Variants in ABCA7 observed in about 807,000 individuals in gnomAD.
The protein encoded by ABCA7 is ATP binding cassette subfamily A member 7, also known as phospholipid-transporting ATPase ABCA7.
Under a neutral mutation model 227.6 loss-of-function variants are expected in ABCA7, and 261 were observed. The ratio of observed to expected loss-of-function variants is 1.15; its 90% confidence interval spans 1.04 to 1.27. The LOEUF (loss-of-function observed/expected upper bound fraction) is 1.27, where lower values mean the gene tolerates loss of function less well. Among genes scored for constraint, ABCA7 ranks in the 50% most tolerant of loss-of-function variants. The pLI is 0.00. For missense variants in ABCA7, 3,331 were observed against 2,924.5 expected (o/e 1.14, Z -3.21); for synonymous variants, 1,488 against 1,279.7 (o/e 1.16, Z -3.47).
chr19:1,044,299 C>G (rs527486238), intron 10 of ABCA7, among the ~76,000 whole-genome samples: 113 of 133,096 alleles, frequency 8.5e-4, no homozygotes, highest in African/African-American at 3.3e-3. Context: ...CCAGGCTGGA[C>G]TGCAGTGGCG....
At chr19:1,044,959 C>T (rs770896698) in intron 11 of ABCA7, 43 bp from the exon 12 acceptor site, 1 of 1,598,722 alleles carries the variant, frequency 6.3e-7, no homozygotes, top group Non-Finnish European at 8.5e-7. Context: ...GTCTAGGAGG[C>T]AGGCGGACCC....
At position 1,054,929 on chromosome 19, in the gene ABCA7, C is replaced by A; in HGVS notation, c.3950+51C>A. The A allele has an allele frequency of 6.4e-7, 1 of 1,552,514 alleles. No individual in the cohort carries two copies. ...TTTCCCCTCTCTGGCCTCAGTTTTC[C>A]CATCTGGTCCCTGGCCAGGGAGCCT... On this transcript the variant is annotated intron_variant, in intron 29 of 46. Transcript: ENST00000263094. This position sits in a 1 kb window ranked among gnomAD's most constrained non-coding sequence, Gnocchi z 4.8.
In ABCA7 at chr19:1,048,909, C is replaced by A. The variant is rs757123110; in HGVS notation, c.2284C>A (p.Pro762Thr). The change falls in exon 17 of 47, where the codon CCT (proline) becomes ACT (threonine). Residue 762 changes from proline (P) to threonine (T), a missense_variant. Pro to Thr is a conservative substitution (Grantham distance 38). Transcript: ENST00000263094. ...EAVCPGQYGIPEPWNFPFRRS... is the reference protein window; with the variant it reads ...EAVCPGQYGITEPWNFPFRRS... ...CCTCCCCGCAGGCCAGTACGGGATC[C>A]CTGAACCATGGAATTTTCCTTTTCG... The A allele has an allele frequency of 3.1e-6, 5 of 1,608,678 alleles. No individual in the cohort carries two copies. Among genetic ancestry groups the A allele is most frequent in the Middle Eastern group, 1.7e-4 (1 of 6,050 alleles).
At position 1,062,219 on chromosome 19, in the gene ABCA7, C is replaced by T; in HGVS notation, c.5618C>T (p.Pro1873Leu). The stretch of plus-strand genomic sequence containing the variant: ...GCGCACCTCAGCATGGGATACTGCC[C>T]TCAATCCGATGCCATCTTTGAGCTG... ...SAAHLSMGYCPQSDAIFELLT... is the reference protein window; with the variant it reads ...SAAHLSMGYCLQSDAIFELLT... Residue 1873 changes from proline (P) to leucine (L), a missense_variant, in exon 42 of 47, where the codon CCT (proline) becomes CTT (leucine). Pro to Leu is a moderately conservative substitution (Grantham distance 98). Transcript: ENST00000263094. 6.2e-7 allele frequency: 1 copy of T among 1,612,474 alleles called. No individual in the cohort carries two copies. Among genetic ancestry groups the T allele is most frequent in the South Asian group, 1.1e-5 (1 of 91,090 alleles).
intron 12 of ABCA7, 38 bp downstream of exon 12, chr19:1,045,269 GC>G: frequency 2.7e-6 from 4 of 1,502,486 alleles, no homozygotes; most frequent in Non-Finnish European, 3.6e-6. Flanking sequence ...GAGGGACTGG[GC>G]GGGGCCAAGA....
chr19:1,045,148 C>G lies in ABCA7; in HGVS notation c.1362C>G (p.Thr454=). The G allele has an allele frequency of 6.2e-7, 1 of 1,612,924 alleles. No homozygotes were observed. The highest frequency in any genetic ancestry group is 8.5e-7 in the Non-Finnish European group (1 of 1,180,002). The change falls in exon 12 of 47, where the codon ACC becomes ACG. Residue 454 remains threonine, a synonymous_variant. Coordinates refer to ENST00000263094, the MANE Select transcript of ABCA7 (RefSeq NM_019112.4). ...CTTCAGACCCCACAGAGCACCCAAC[C>G]CCAGACCTGGGCCCCGGCCACGTGC... ...EDSSDPTEHP[T]PDLGPGHVRI...
Position 1,047,373 on chromosome 19 carries a change from G to T in ABCA7, c.2062G>T (p.Ala688Ser). The change falls in exon 15 of 47, where the codon GCC (alanine) becomes TCC (serine). Residue 688 changes from alanine (A) to serine (S), a missense_variant. Coordinates refer to ENST00000263094, the MANE Select transcript of ABCA7 (RefSeq NM_019112.4). The part of the protein sequence containing the change: ...RDRLPAGGRV[A>S]ASLLSPVAFG... Reference sequence around the variant, plus strand: ...CCGGCTGCCCGCGGGTGGCCGCGTGGCCGCGGTGAGAGCCGGGTCGGGCGT... The same window carrying T: ...CCGGCTGCCCGCGGGTGGCCGCGTGTCCGCGGTGAGAGCCGGGTCGGGCGT... 1 of 1,567,804 alleles carries T rather than the reference G, an allele frequency of 6.4e-7. No homozygotes were observed. The highest frequency in any genetic ancestry group is 1.9e-5 in the Admixed American group (1 of 53,974).
chr19:1,049,854 GACCGCTCCCTCCCCGTGAGCCCCCCC>G, intron 18 of ABCA7, among the ~76,000 whole-genome samples: 1 of 13,592 alleles, frequency 7.4e-5, no homozygotes. Context: ...TGAGCCCCCC[GACCGCTCCCTCCCCGTGAGCCCCCCC>G]ACCACTCCCT....
chr19:1,062,252 G>C lies in ABCA7; in HGVS notation c.5651G>C (p.Gly1884Ala). Reference protein sequence around the residue: ...QSDAIFELLTGREHLELLARL... With the variant: ...QSDAIFELLTAREHLELLARL... ...GATGCCATCTTTGAGCTGCTGACGGGCCGCGAGCACCTGGAGCTGCTTGCG... is the reference window on the plus strand; with the variant it reads ...GATGCCATCTTTGAGCTGCTGACGGCCCGCGAGCACCTGGAGCTGCTTGCG... The change falls in exon 42 of 47, where the codon GGC becomes GCC. Residue 1884 changes from glycine to alanine, a missense_variant. Physicochemically the swap from Gly to Ala is moderately conservative, Grantham distance 60 (BLOSUM62 0). Coordinates refer to ENST00000263094, the MANE Select transcript of ABCA7 (RefSeq NM_019112.4). 6.2e-7 allele frequency: 1 copy of C among 1,611,638 alleles called. No individual in the cohort carries two copies. The highest frequency in any genetic ancestry group is 1.7e-4 in the Middle Eastern group (1 of 6,056).
Position 1,055,273 on chromosome 19 carries a change from G to T in ABCA7, c.4127G>T (p.Gly1376Val), listed in dbSNP as rs1251810895. The T allele has an allele frequency of 1.6e-5, 25 of 1,604,240 alleles. No homozygotes were observed. Among genetic ancestry groups the T allele is most frequent in the East Asian group, 4.5e-5 (2 of 44,560 alleles). Residue 1376 changes from glycine to valine, a missense_variant, in exon 30 of 47, where the codon GGG (glycine) becomes GTG (valine). Physicochemically the swap from Gly to Val is moderately radical, Grantham distance 109. Transcript: ENST00000263094. ...PPPPQAVTGSGEVVQNLTGRN... is the reference protein window; with the variant it reads ...PPPPQAVTGSVEVVQNLTGRN... ...CCGCCCCAGGCAGTGACCGGCTCTG[G>T]GGAAGTGGTTCAGAACCTGACAGGC...
Position 1,042,759 on chromosome 19 carries a change from T to G in ABCA7, c.512T>G (p.Leu171Trp), listed in dbSNP as rs758313730. Residue 171 changes from leucine (L) to tryptophan (W), a missense_variant, in exon 7 of 47, where the codon TTG becomes TGG. Physicochemically the swap from Leu to Trp is moderately conservative, Grantham distance 61. Coordinates refer to ENST00000263094, the MANE Select transcript of ABCA7 (RefSeq NM_019112.4). The stretch of plus-strand genomic sequence containing the variant: ...CTTTCTCCCCAGGAATCCCTGGGGT[T>G]GGCACTGGGCCAAGCCCAGGAGCCC... ...TSLLRTESLGLALGQAQEPLH... is the reference protein window; with the variant it reads ...TSLLRTESLGWALGQAQEPLH... 1.1e-5 allele frequency: 17 copies of G among 1,613,368 alleles called. No individual in the cohort carries two copies. The highest frequency in any genetic ancestry group is 1.3e-5 in the African/African-American group (1 of 74,918).
rs201115102 is a variant in ABCA7, at chr19:1,054,297, C to A, written c.3682C>A (p.Arg1228Ser). 7 of 1,605,884 alleles carry A rather than the reference C, an allele frequency of 4.4e-6. No homozygotes were observed. The highest frequency in any genetic ancestry group is 5.1e-6 in the Non-Finnish European group (6 of 1,179,296). ...RQQLQALLLK[R>S]FLLARRSRRG... ...GCAGCTCCAGGCCCTGCTTCTCAAG[C>A]GCTTTCTGCTTGCCCGCCGCAGCCG... is the stretch of plus-strand genomic sequence containing the variant. The change falls in exon 27 of 47, where the codon CGC becomes AGC. Residue 1228 changes from arginine to serine, a missense_variant. Coordinates refer to ENST00000263094, the MANE Select transcript of ABCA7 (RefSeq NM_019112.4). The surrounding 1 kb of genome is among the most constrained non-coding windows in gnomAD (Gnocchi z 4.8).
chr19:1,057,777 GAA>G (rs4147943), intron 35 of ABCA7, 136 bp from the exon 36 acceptor site: 153 of 980,196 alleles, frequency 1.6e-4, no homozygotes, highest in African/African-American at 3.2e-4. Context: ...AAGAGAGAAA[GAA>G]AAAAAAAAAA....
chr19:1,041,867 C>A lies in ABCA7; in HGVS notation c.197C>A (p.Thr66Asn). The change falls in exon 4 of 47, where the codon ACC becomes AAC. Residue 66 changes from threonine (T) to asparagine (N), a missense_variant. Coordinates refer to ENST00000263094, the MANE Select transcript of ABCA7 (RefSeq NM_019112.4). ...FPNKPLPSAG[T>N]VPWLQGLICN... ...AACAAGCCACTGCCATCGGCGGGCA[C>A]CGTGCCCTGGCTCCAGGGTCTCATC... 1 of 1,597,782 alleles carries A rather than the reference C, an allele frequency of 6.3e-7. No individual in the cohort carries two copies. Among genetic ancestry groups the A allele is most frequent in the Non-Finnish European group, 8.5e-7 (1 of 1,176,900 alleles).
In ABCA7 at chr19:1,055,919, G is replaced by A; in HGVS notation, c.4218G>A (p.Lys1406=). 6.3e-7 allele frequency: 1 copy of A among 1,595,172 alleles called. No homozygotes were observed. The highest frequency in any genetic ancestry group is 8.5e-7 in the Non-Finnish European group (1 of 1,169,876). The change falls in exon 31 of 47, where the codon AAG becomes AAA. Residue 1406 remains lysine, a synonymous_variant. Coordinates refer to ENST00000263094, the MANE Select transcript of ABCA7 (RefSeq NM_019112.4). ...ATCTCTCCCACAGCCTGAAGACTAAGAAGTGGGTGAATGAGGTCAGGTGAG... is the reference window on the plus strand; with the variant it reads ...ATCTCTCCCACAGCCTGAAGACTAAAAAGTGGGTGAATGAGGTCAGGTGAG... ...PRLVRQGLKT[K]KWVNEVRYGG...
rs999041739 is a variant in ABCA7 at position 1,056,091 on chromosome 19, C to T, written c.4264C>T (p.Arg1422Ter). The T allele has an allele frequency of 1.8e-5, 28 of 1,599,492 alleles. No homozygotes were observed. The highest frequency in any genetic ancestry group is 2.3e-5 in the Non-Finnish European group (27 of 1,172,040). ...ATACGGAGGCTTCTCGCTGGGGGGC[C>T]GAGACCCAGGCCTGCCCTCGGGCCA... ...VRYGGFSLGG[R>*]DPGLPSGQEL... Residue 1422 changes from arginine (R) to a stop codon, truncating the protein, a stop_gained, in exon 32 of 47, where the codon CGA (arginine) becomes TGA (stop). Coordinates refer to ENST00000263094, the MANE Select transcript of ABCA7 (RefSeq NM_019112.4). LOFTEE classifies it high-confidence loss of function. This position sits in a 1 kb window ranked among gnomAD's most constrained non-coding sequence, Gnocchi z 4.3.
At position 1,057,991 on chromosome 19, in the gene ABCA7, T is replaced by A. The variant is rs1414657308; in HGVS notation, c.4957T>A (p.Cys1653Ser). Residue 1653 changes from cysteine (C) to serine (S), a missense_variant, in exon 36 of 47, where the codon TGC (cysteine) becomes AGC (serine). By Grantham distance (112) the Cys-to-Ser change is moderately radical. Transcript: ENST00000263094. The part of the protein sequence containing the change: ...VPSTAYVVLT[C>S]INLFIGINGS... ...CAGCACAGCCTATGTGGTGCTCACC[T>A]GCATAAACCTCTTTATTGGCATCAA... 6.2e-7 allele frequency: 1 copy of A among 1,614,106 alleles called. No homozygotes were observed. The highest frequency in any genetic ancestry group is 1.1e-5 in the South Asian group (1 of 91,088).
At chr19:1,040,694 T>C (rs920184810) in intron 1 of ABCA7, among the ~76,000 whole-genome samples, 1 of 152,082 alleles carries the variant, frequency 6.6e-6, no homozygotes, top group Non-Finnish European at 1.5e-5. Flanking sequence ...CCTGACTCTT[T>C]CTCTGGCTCC....
intron 42 of ABCA7, 123 bp from the exon 43 acceptor site, chr19:1,063,421 A>G (rs2042816492): frequency 7.3e-7 from 1 of 1,363,884 alleles, no homozygotes; most frequent in South Asian, 1.4e-5. Context: ...CCATTCTCAC[A>G]TTTGCCCTGC....
Sources: gnomAD v4.1 joint callset for allele counts (sites outside exome capture counted in the v4.1 genomes callset) on GRCh38, gnomAD v4.1.1 for gene constraint, Gnocchi (gnomAD v3.1) non-coding constraint, MANE v1.5 for transcripts, NCBI Gene and HGNC (gene_info 2026-07-23, HGNC 2026-07-21) for gene names.